Variants in CADPS observed in about 807,000 individuals in gnomAD.
CADPS encodes calcium-dependent secretion activator 1.
A neutral mutation model predicts 167.3 loss-of-function variants in CADPS; 57 were observed. The observed-to-expected ratio is 0.34, with a 90% CI of 0.28 to 0.42. The LOEUF is 0.42. Among genes scored for constraint, CADPS ranks in the 20% least tolerant of loss-of-function variants. The pLI, the probability that CADPS is intolerant of heterozygous loss-of-function variation, is 1.00. For missense variants in CADPS, 1,414 were observed against 1,738.1 expected (o/e 0.81, Z 3.32); for synonymous variants, 676 against 635.3 (o/e 1.06, Z -0.96).
rs146245880 is a variant in CADPS, at chr3:62,455,509, C to T, written c.3637-9712G>A. Among the ~76,000 whole-genome samples, 6 of 152,278 alleles carry T rather than the reference C, an allele frequency of 3.9e-5. No individual in the cohort carries two copies. The highest frequency in any genetic ancestry group is 8.8e-5 in the Non-Finnish European group (6 of 68,030). Reference sequence around the variant, plus strand: ...TTCCTTGGACTCCAGGGTTTGCCCTCCTAATGGCCACATTGTATGCTTTTC... The same window carrying T: ...TTCCTTGGACTCCAGGGTTTGCCCTTCTAATGGCCACATTGTATGCTTTTC... On this transcript the variant is annotated intron_variant, in intron 26 of 29. Coordinates refer to ENST00000383710, the MANE Select transcript of CADPS (RefSeq NM_003716.4). The surrounding 1 kb of genome is among the most constrained non-coding windows in gnomAD (Gnocchi z 4.4).
chr3:62,779,383 A>G (rs1439474372), intron 1 of CADPS: 18 of 454,434 alleles, frequency 4.0e-5, no homozygotes, highest in Non-Finnish European at 7.7e-5. Flanking sequence ...TTTGGGAGAC[A>G]CTTTCAGGAG....
At chr3:62,535,315 A>G (rs2074465551) in intron 12 of CADPS, among the ~76,000 whole-genome samples, 1 of 151,386 alleles carries the variant, frequency 6.6e-6, no homozygotes, top group Admixed American at 6.6e-5. Flanking sequence ...AGGAATTCTA[A>G]ACCTGAGATA....
At chr3:62,541,675 T>A (rs1452796588) in intron 11 of CADPS, among the ~76,000 whole-genome samples, 1 of 152,182 alleles carries the variant, frequency 6.6e-6, no homozygotes, top group Non-Finnish European at 1.5e-5. Context: ...TATACTCTCA[T>A]CTCATTTAAT....
At chr3:62,623,345 G>A (rs1003801924) in intron 6 of CADPS, among the ~76,000 whole-genome samples, 1 of 152,122 alleles carries the variant, frequency 6.6e-6, no homozygotes, top group Non-Finnish European at 1.5e-5. Context: ...GAGACAGAGA[G>A]ACAGGGAGTT....
intron 3 of CADPS, among the ~76,000 whole-genome samples, chr3:62,666,849 C>T (rs1484599350): frequency 6.6e-6 from 1 of 152,168 alleles, no homozygotes; most frequent in East Asian, 1.9e-4. Flanking sequence ...AATTTAAACA[C>T]AGGCTTGAGA....
intron 12 of CADPS, among the ~76,000 whole-genome samples, chr3:62,534,297 G>A (rs1012296088): frequency 6.6e-6 from 1 of 152,170 alleles, no homozygotes; most frequent in Non-Finnish European, 1.5e-5. Context: ...AAGTGACTAG[G>A]GGGCAGGTAG....
intron 1 of CADPS, among the ~76,000 whole-genome samples, chr3:62,843,492 G>GGTGTGTGT (rs150223612): frequency 3.2e-4 from 48 of 149,100 alleles, no homozygotes; most frequent in South Asian, 1.7e-3. Flanking sequence ...TGGCAGTTGG[G>GGTGTGTGT]GTGTGTGTGT....
intron 1 of CADPS, among the ~76,000 whole-genome samples, chr3:62,872,443 C>G (rs1322591414): frequency 3.9e-5 from 6 of 152,112 alleles, no homozygotes; most frequent in Non-Finnish European, 1.5e-5. Context: ...TTTAGCTTCC[C>G]AGTATAGCCA....
At chr3:62,628,625 C>CTTTTTTTTT (rs35812851) in intron 6 of CADPS, among the ~76,000 whole-genome samples, 1 of 145,452 alleles carries the variant, frequency 6.9e-6, no homozygotes. Context: ...AACCATGAGC[C>CTTTTTTTTT]TTTTTTTTTT....
At chr3:62,846,713 G>A (rs2153074762) in intron 1 of CADPS, among the ~76,000 whole-genome samples, 1 of 152,142 alleles carries the variant, frequency 6.6e-6, no homozygotes, top group East Asian at 1.9e-4. Context: ...TGTCACCTAG[G>A]AGTGCAGTGG....
At chr3:62,557,037 A>G (rs1183552838) in intron 10 of CADPS, among the ~76,000 whole-genome samples, 1 of 148,608 alleles carries the variant, frequency 6.7e-6, no homozygotes, top group Non-Finnish European at 1.5e-5. Flanking sequence ...ACACACACAC[A>G]CACACACACA....
intron 23 of CADPS, among the ~76,000 whole-genome samples, chr3:62,476,333 T>C (rs1380385964): frequency 1.3e-5 from 2 of 152,186 alleles, no homozygotes; most frequent in South Asian, 4.1e-4. Flanking sequence ...ATTCAAAAAC[T>C]CGTCCATGCT....
intron 3 of CADPS, among the ~76,000 whole-genome samples, chr3:62,701,903 C>T (rs895020227): frequency 1.3e-5 from 2 of 152,136 alleles, no homozygotes; most frequent in African/African-American, 4.8e-5. Flanking sequence ...ATGCAAGAAA[C>T]TGCTTTTCCT....
At chr3:62,693,398 A>AACC (rs2079583214) in intron 3 of CADPS, among the ~76,000 whole-genome samples, 1 of 152,164 alleles carries the variant, frequency 6.6e-6, no homozygotes, top group Admixed American at 6.6e-5. Context: ...GTGTATACAG[A>AACC]ACCCAGCCTC....
chr3:62,476,753 T>C lies in CADPS; in HGVS notation c.3329+1508A>G, dbSNP rs115332267. Among the ~76,000 whole-genome samples, 991 of 152,308 alleles carry C rather than the reference T, an allele frequency of 6.5e-3. 15 individuals are homozygous for C. The highest frequency in any genetic ancestry group is 0.022 in the African/African-American group (932 of 41,572). The stretch of plus-strand genomic sequence containing the variant: ...TCTCCATGAAGGACATGCATGTCTT[T>C]CTGTACAATTATGTGCACAGTTTAG... On this transcript the variant is annotated intron_variant, in intron 23 of 29. Transcript: ENST00000383710.
chr3:62,451,362 T>C (rs915740806), intron 26 of CADPS, among the ~76,000 whole-genome samples: 2 of 152,006 alleles, frequency 1.3e-5, no homozygotes, highest in East Asian at 1.9e-4. Flanking sequence ...GCAGCTTTGA[T>C]AGGGAGCGCG....
chr3:62,523,512 G>T (rs1036154515), intron 13 of CADPS, among the ~76,000 whole-genome samples: 3 of 152,074 alleles, frequency 2.0e-5, no homozygotes, highest in Non-Finnish European at 2.9e-5. Flanking sequence ...TTCTAGAATG[G>T]TTCTCCATAT....
intron 8 of CADPS, among the ~76,000 whole-genome samples, chr3:62,577,255 C>T (rs908362223): frequency 1.3e-5 from 2 of 152,078 alleles, no homozygotes; most frequent in East Asian, 1.9e-4. Context: ...GTGAATTTAA[C>T]GTGAATTAGT....
chr3:62,861,649 A>C (rs1421314471), intron 1 of CADPS, among the ~76,000 whole-genome samples: 1 of 152,056 alleles, frequency 6.6e-6, no homozygotes, highest in African/African-American at 2.4e-5. Context: ...ATTTCACTTA[A>C]TCTTCTTAAA....
Sources: allele counts gnomAD v4.1 joint callset (sites outside exome capture counted in the v4.1 genomes callset), GRCh38; gene constraint gnomAD v4.1.1; non-coding constraint Gnocchi (gnomAD v3.1); transcripts MANE v1.5; gene names NCBI Gene and HGNC (gene_info 2026-07-23, HGNC 2026-07-21).